Variants in WNT3 observed in about 807,000 individuals in gnomAD.
WNT3 encodes proto-oncogene Wnt-3.
WNT3 carries 7 observed loss-of-function variants against 34.2 expected under a neutral mutation model. That is an observed-to-expected ratio of 0.20 (90% confidence interval 0.12 to 0.38). The LOEUF (loss-of-function observed/expected upper bound fraction) is 0.38. Ranked by LOEUF, WNT3 falls within the 10% of genes least tolerant of loss-of-function variation. The pLI is 1.00. For synonymous variants in WNT3, 212 were observed against 211.5 expected, an observed-to-expected ratio of 1.00 and a Z score of -0.02; for missense variants, 267 against 499.8, an observed-to-expected ratio of 0.53 and a Z score of 4.44.
chr17:46,770,431 C>G (rs924003281), intron 2 of WNT3, among the ~76,000 whole-genome samples: 10 of 152,196 alleles, frequency 6.6e-5, no homozygotes, highest in African/African-American at 2.4e-4. Flanking sequence ...CAGAGACCAC[C>G]CTGCACAGGC....
At chr17:46,772,438 C>T (rs1017903455) in intron 2 of WNT3, among the ~76,000 whole-genome samples, 1 of 152,188 alleles carries the variant, frequency 6.6e-6, no homozygotes, top group Non-Finnish European at 1.5e-5. Flanking sequence ...TTGGGGAGCG[C>T]GTCTAGACGC....
chr17:46,796,606 C>T (rs550010338), intron 1 of WNT3, among the ~76,000 whole-genome samples: 1 of 152,318 alleles, frequency 6.6e-6, no homozygotes, highest in South Asian at 2.1e-4. Context: ...TTGGTTCCTG[C>T]CCCGCAGGGG....
In WNT3 at chr17:46,772,407, G is replaced by A. The variant is rs1020048028; in HGVS notation, c.322+1261C>T. Among the ~76,000 whole-genome samples the A allele has an allele frequency of 3.3e-5, 5 of 152,232 alleles. No homozygotes were observed. The East Asian group carries it at 7.7e-4, about 24-fold the overall frequency. On this transcript the variant is annotated intron_variant, in intron 2 of 4. Coordinates refer to ENST00000225512, the MANE Select transcript of WNT3 (RefSeq NM_030753.5). ...TGGCTCTTGGCCGGAGACGGGAAGA[G>A]CGATCAGAGGTGACTCGCTTTTGGG...
At chr17:46,802,241 C>T (rs1470404583) in intron 1 of WNT3, among the ~76,000 whole-genome samples, 3 of 152,118 alleles carry the variant, frequency 2.0e-5, no homozygotes, top group Non-Finnish European at 4.4e-5. Flanking sequence ...AAGACCCAGG[C>T]AGGATTAAAG....
chr17:46,813,615 A>C (rs888652923), intron 1 of WNT3, among the ~76,000 whole-genome samples: 2 of 151,974 alleles, frequency 1.3e-5, no homozygotes, highest in African/African-American at 4.8e-5. Context: ...CTCCTGGCTC[A>C]TCACATTCTG....
At chr17:46,787,085 A>G (rs1270149099) in intron 1 of WNT3, among the ~76,000 whole-genome samples, 2 of 151,982 alleles carry the variant, frequency 1.3e-5, no homozygotes, top group African/African-American at 4.8e-5. Context: ...CTACAGGCAC[A>G]TGCCACTATG....
rs1449571506 is a variant in WNT3 at position 46,818,652 on chromosome 17, G to A, written c.-55C>T. On this transcript the variant is annotated 5_prime_UTR_variant, in exon 1 of 5. Coordinates refer to ENST00000225512, the MANE Select transcript of WNT3 (RefSeq NM_030753.5). ...CGCGACCATGAAGAGGGGGAGCGACGCCCCCAATAGTTGGAACAAAGTCCA... is the reference window on the plus strand; with the variant it reads ...CGCGACCATGAAGAGGGGGAGCGACACCCCCAATAGTTGGAACAAAGTCCA... 3 of 1,463,882 alleles carry A rather than the reference G, an allele frequency of 2.0e-6. No individual in the cohort carries two copies. The highest frequency in any genetic ancestry group is 2.8e-6 in the Non-Finnish European group (3 of 1,065,128). The allele number at this position is 1,463,882 out of a possible 1,614,324, so 90.7% of individuals were successfully genotyped here.
At chr17:46,801,877 C>T (rs2084130006) in intron 1 of WNT3, among the ~76,000 whole-genome samples, 1 of 152,134 alleles carries the variant, frequency 6.6e-6, no homozygotes, top group Non-Finnish European at 1.5e-5. Flanking sequence ...CAGTTCGACC[C>T]TAGTGGAACT....
At chr17:46,799,896 T>G (rs1712300272) in intron 1 of WNT3, among the ~76,000 whole-genome samples, 1 of 152,174 alleles carries the variant, frequency 6.6e-6, no homozygotes. Flanking sequence ...ACATCTGGGA[T>G]TTGCACCACA....
intron 1 of WNT3, among the ~76,000 whole-genome samples, chr17:46,774,361 C>T (rs961219816): frequency 6.6e-5 from 10 of 152,220 alleles, no homozygotes; most frequent in East Asian, 1.9e-4. Context: ...CGCGCGCGCG[C>T]GCACACACAC....
chr17:46,810,920 C>T (rs997043327), intron 1 of WNT3, among the ~76,000 whole-genome samples: 1 of 152,162 alleles, frequency 6.6e-6, no homozygotes, highest in African/African-American at 2.4e-5. Flanking sequence ...CCTCCTCACA[C>T]TGGCCCCTCT....
At chr17:46,795,920 A>G (rs1433742531) in intron 1 of WNT3, among the ~76,000 whole-genome samples, 2 of 152,182 alleles carry the variant, frequency 1.3e-5, no homozygotes, top group Non-Finnish European at 2.9e-5. Context: ...ACACGTGTGC[A>G]CACATGTTAA....
intron 1 of WNT3, among the ~76,000 whole-genome samples, chr17:46,798,218 T>G (rs973986833): frequency 2.0e-5 from 3 of 152,224 alleles, no homozygotes; most frequent in African/African-American, 7.2e-5. Flanking sequence ...CATGAGCCAC[T>G]GTGCCCAGCC....
At chr17:46,817,239 T>TG in intron 1 of WNT3, among the ~76,000 whole-genome samples, 1 of 152,152 alleles carries the variant, frequency 6.6e-6, no homozygotes, top group East Asian at 1.9e-4. Flanking sequence ...CCCTGGACTC[T>TG]GGGTTGGCGA....
chr17:46,781,872 G>T (rs2059464648), intron 1 of WNT3, among the ~76,000 whole-genome samples: 1 of 152,146 alleles, frequency 6.6e-6, no homozygotes, highest in Admixed American at 6.5e-5. Context: ...GCCCAGAGAG[G>T]TTTGTCATTT....
At chr17:46,782,937 GC>G (rs962019714) in intron 1 of WNT3, among the ~76,000 whole-genome samples, 18 of 152,352 alleles carry the variant, frequency 1.2e-4, no homozygotes, top group African/African-American at 3.6e-4. Context: ...TTTCTTCTGA[GC>G]CCAAAGGGAC....
At chr17:46,804,366 C>T (rs1188756563) in intron 1 of WNT3, among the ~76,000 whole-genome samples, 3 of 152,124 alleles carry the variant, frequency 2.0e-5, no homozygotes, top group African/African-American at 4.8e-5. Context: ...GGACTACAGG[C>T]GCAAGCCACC....
intron 1 of WNT3, among the ~76,000 whole-genome samples, chr17:46,815,133 G>T (rs886306898): frequency 1.3e-5 from 2 of 152,114 alleles, no homozygotes; most frequent in African/African-American, 4.8e-5. Flanking sequence ...TGTAGCAGGT[G>T]CTGGGCTAGG....
chr17:46,764,833 C>G (rs1333138932), intron 4 of WNT3, among the ~76,000 whole-genome samples: 3 of 152,152 alleles, frequency 2.0e-5, no homozygotes, highest in Non-Finnish European at 2.9e-5. Flanking sequence ...GTAAGGCTTT[C>G]GAGTCCACAG....
Sources: allele counts gnomAD v4.1 joint callset (sites outside exome capture counted in the v4.1 genomes callset), GRCh38; gene constraint gnomAD v4.1.1; transcripts MANE v1.5; gene names NCBI Gene and HGNC (gene_info 2026-07-23, HGNC 2026-07-21).